The following TFB1M variants were observed in gnomAD, a reference collection of about 807,000 sequenced individuals.
TFB1M encodes dimethyladenosine transferase 1, mitochondrial.
Under a neutral mutation model 31.1 loss-of-function variants are expected in TFB1M, and 27 were observed. The ratio of observed to expected loss-of-function variants is 0.87; its 90% CI spans 0.64 to 1.20. The LOEUF is 1.20. Among genes scored for constraint, TFB1M ranks in the 50% most tolerant of loss-of-function variants. The pLI, the probability that TFB1M is intolerant of heterozygous loss-of-function variation, is 0.00. For synonymous variants in TFB1M, 166 were observed against 151.8 expected, an observed-to-expected ratio of 1.09 and a Z score of -0.69; for missense variants, 394 against 418.7, an observed-to-expected ratio of 0.94 and a Z score of 0.51.
downstream of TFB1M, chr6:155,253,702 A>G (rs1783817510): frequency 2.9e-6 from 1 of 346,998 alleles, no homozygotes; most frequent in Non-Finnish European, 5.2e-6. Context: ...GATCCACTGA[A>G]TCTCCTCTTC....
the TFB1M span, among the ~76,000 whole-genome samples, chr6:155,246,677 C>T: frequency 6.6e-6 from 1 of 152,080 alleles, no homozygotes; most frequent in Non-Finnish European, 1.5e-5. Flanking sequence ...ACAGTGAAAG[C>T]ATACCAATGT....
At chr6:155,285,062 C>T (rs1776564991) in intron 5 of TFB1M, 96 bp downstream of exon 5, 4 of 1,519,628 alleles carry the variant, frequency 2.6e-6, no homozygotes, top group Non-Finnish European at 2.7e-6. Flanking sequence ...TGCACATAAA[C>T]AAAGGTTAGA....
At chr6:155,264,680 C>A (rs1216966755) in intron 5 of TFB1M, among the ~76,000 whole-genome samples, 1 of 152,088 alleles carries the variant, frequency 6.6e-6, no homozygotes, top group Non-Finnish European at 1.5e-5. Flanking sequence ...AGATTTTAAA[C>A]AGTCACATAG....
In TFB1M at chr6:155,256,696, C is replaced by T. The variant is rs1404734005; in HGVS notation, c.*1140G>A. ...CGGCTTGGCAGATTTTGCCGACAAT[C>T]TCATCAAAGAGAGTGACATCCTGAG... On this transcript the variant is annotated 3_prime_UTR_variant, in exon 7 of 7. Transcript: ENST00000367166. 1.2e-6 allele frequency: 2 copies of T among 1,614,098 alleles called. No individual in the cohort carries two copies. The highest frequency in any genetic ancestry group is 1.3e-5 in the African/African-American group (1 of 74,932).
At chr6:155,300,220 C>A (rs753822266) in intron 2 of TFB1M, among the ~76,000 whole-genome samples, 1 of 152,146 alleles carries the variant, frequency 6.6e-6, no homozygotes. Flanking sequence ...AGCTGAAACG[C>A]CTCTATTGGT....
Position 155,256,770 on chromosome 6 carries a change from T to A in TFB1M, c.*1066A>T. The A allele has an allele frequency of 6.2e-7, 1 of 1,614,174 alleles. No homozygotes were observed. On this transcript the variant is annotated 3_prime_UTR_variant, in exon 7 of 7. Coordinates refer to ENST00000367166, the MANE Select transcript of TFB1M (RefSeq NM_016020.4). ...AGACTGTGAAGCAGGGCAGCCCTAC[T>A]AAAGACATCGAAATTCAGTTCCAGA...
At position 155,257,922 on chromosome 6, in the gene TFB1M, C is replaced by G. The variant is rs368353918; in HGVS notation, c.955G>C (p.Ala319Pro). 3.4e-4 allele frequency: 552 copies of G among 1,614,108 alleles called. 4 individuals carry two copies. The South Asian group carries it at 5.7e-3, about 17-fold the overall frequency. The change falls in exon 7 of 7, where the codon GCA (alanine) becomes CCA (proline). Residue 319 changes from alanine to proline, a missense_variant. Ala to Pro is a conservative substitution (Grantham distance 27). Transcript: ENST00000367166. ...TTGAGTTCTTCTCTGAAATTATATG[C>G]AAAGAGTTGTGGGTCTTCATCACAC... is the stretch of plus-strand genomic sequence containing the variant. ...KMCDEDPQLF[A>P]YNFREELKRR...
intron 5 of TFB1M, among the ~76,000 whole-genome samples, chr6:155,284,180 G>A (rs1477936505): frequency 6.6e-6 from 1 of 152,236 alleles, no homozygotes; most frequent in African/African-American, 2.4e-5. Context: ...GCAGCAAAGA[G>A]CATGGAGATC....
chr6:155,254,361 A>G (rs1783867584), downstream of TFB1M: 2 of 1,583,492 alleles, frequency 1.3e-6, no homozygotes, highest in African/African-American at 2.7e-5. Context: ...CGGGCGTGGA[A>G]TGGAAGCACG....
intron 6 of TFB1M, 86 bp from the exon 7 acceptor site, chr6:155,258,168 AAC>A: frequency 2.0e-6 from 3 of 1,501,902 alleles, no homozygotes; most frequent in Non-Finnish European, 2.8e-6. Context: ...ATTTGAAAAC[AAC>A]ACAACACAGT....
chr6:155,282,203 G>A (rs528699647), intron 5 of TFB1M, among the ~76,000 whole-genome samples: 2 of 152,252 alleles, frequency 1.3e-5, no homozygotes, highest in South Asian at 4.2e-4. Flanking sequence ...AACCTCAGAG[G>A]TTGTCTGTTT....
rs769702086 is a variant in TFB1M, at chr6:155,256,621, G to A, written c.*1215C>T. On this transcript the variant is annotated 3_prime_UTR_variant, in exon 7 of 7. Transcript: ENST00000367166. ...CCAGAGCAGCGGCTGCCCCACGGCT[G>A]AGGGCAGGCAGGACTCCAAGAGCAC... The A allele has an allele frequency of 6.2e-7, 1 of 1,614,198 alleles. No homozygotes were observed. The highest frequency in any genetic ancestry group is 1.1e-5 in the South Asian group (1 of 91,084).
At position 155,257,432 on chromosome 6, in the gene TFB1M, T is replaced by C. The variant is rs565062848; in HGVS notation, c.*404A>G. The C allele has an allele frequency of 1.6e-4, 56 of 355,876 alleles. No homozygotes were observed. In the East Asian group the frequency reaches 3.2e-3, roughly 20 times the overall value. 22.0% of individuals were successfully genotyped at this position (355,876 alleles called of 1,614,324 possible). A position where few individuals can be genotyped will look rare whatever the true frequency, so the allele number is the denominator to read the frequency against. Reference sequence around the variant, plus strand: ...TGTGGAAAAAGTAAGGCTGGGGAAGTCGTGATTAATAGTTTTCAAAGGGCC... The same window carrying C: ...TGTGGAAAAAGTAAGGCTGGGGAAGCCGTGATTAATAGTTTTCAAAGGGCC... On this transcript the variant is annotated 3_prime_UTR_variant, in exon 7 of 7. Transcript: ENST00000367166.
At position 155,314,334 on chromosome 6, in the gene TFB1M, T is replaced by C. The variant is rs1778154739; in HGVS notation, c.95A>G (p.Gln32Arg). 6.2e-7 allele frequency: 1 copy of C among 1,614,246 alleles called. No individual in the cohort carries two copies. The highest frequency in any genetic ancestry group is 8.5e-7 in the Non-Finnish European group (1 of 1,180,036). The change falls in exon 1 of 7, where the codon CAG (glutamine) becomes CGG (arginine). Residue 32 changes from glutamine (Q) to arginine (R), a missense_variant. Gln to Arg is a conservative substitution (Grantham distance 43). Around this residue, in one of 3 missense-constraint regions of TFB1M, gnomAD observed 273 missense variants for 256.4 expected, o/e 1.06. Coordinates refer to ENST00000367166, the MANE Select transcript of TFB1M (RefSeq NM_016020.4). ...GTCCAGGAGGAAATTCTGTGATAGCTGCTTCGCTGCTTGCAGTCTTAACAA... is the reference window on the plus strand; with the variant it reads ...GTCCAGGAGGAAATTCTGTGATAGCCGCTTCGCTGCTTGCAGTCTTAACAA... ...IKLLRLQAAKQLSQNFLLDLR... is the reference protein window; with the variant it reads ...IKLLRLQAAKRLSQNFLLDLR...
chr6:155,298,372 A>C (rs998072286), intron 3 of TFB1M, 105 bp downstream of exon 3: 1 of 687,076 alleles, frequency 1.5e-6, no homozygotes, highest in Non-Finnish European at 2.6e-6. Flanking sequence ...AGATAATTTA[A>C]AATATAAACA....
chr6:155,266,731 C>T (rs1784650182), intron 5 of TFB1M, among the ~76,000 whole-genome samples: 1 of 151,714 alleles, frequency 6.6e-6, no homozygotes, highest in Admixed American at 6.6e-5. Flanking sequence ...CCTGTAGTCC[C>T]CGCTACTTGG....
At chr6:155,272,889 T>C (rs764020230) in intron 5 of TFB1M, among the ~76,000 whole-genome samples, 1 of 152,138 alleles carries the variant, frequency 6.6e-6, no homozygotes. Flanking sequence ...CTGAAAGTTA[T>C]AAAATATATC....
rs2114698089 is a variant in TFB1M at position 155,270,838 on chromosome 6, G to A, written c.667-10438C>T. Among the ~76,000 whole-genome samples, 3 of 152,236 alleles carry A rather than the reference G, an allele frequency of 2.0e-5. 1 individual carries two copies. The highest frequency in any genetic ancestry group is 4.4e-5 in the Non-Finnish European group (3 of 68,028). ...GATGCAGCACTAATGACACTGCTGC[G>A]ACTATTAGTGTCTGCAATTCAACTC... On this transcript the variant is annotated intron_variant, in intron 5 of 6. Coordinates refer to ENST00000367166, the MANE Select transcript of TFB1M (RefSeq NM_016020.4).
At position 155,256,398 on chromosome 6, in the gene TFB1M, TA is replaced by T; in HGVS notation, c.*1437del. ...ATATCATAAAATAAAATCTTAATGT[TA>T]AATCTTACACAAGCTTTGAGGCAAA... On this transcript the variant is annotated 3_prime_UTR_variant, in exon 7 of 7. Coordinates refer to ENST00000367166, the MANE Select transcript of TFB1M (RefSeq NM_016020.4). The T allele has an allele frequency of 6.4e-7, 1 of 1,572,598 alleles. No homozygotes were observed. The highest frequency in any genetic ancestry group is 8.6e-7 in the Non-Finnish European group (1 of 1,158,598).
Sources: allele counts gnomAD v4.1 joint callset (sites outside exome capture counted in the v4.1 genomes callset), GRCh38; gene constraint gnomAD v4.1.1; regional missense constraint gnomAD v4.1.1; transcripts MANE v1.5; gene names NCBI Gene and HGNC (gene_info 2026-07-23, HGNC 2026-07-21).